Variants in PTPRD observed in about 807,000 individuals in gnomAD.
PTPRD encodes receptor-type tyrosine-protein phosphatase delta.
Under a neutral mutation model 214.5 loss-of-function variants are expected in PTPRD, and 34 were observed. The observed-to-expected ratio is 0.16, with a 90% CI of 0.12 to 0.21. The LOEUF (loss-of-function observed/expected upper bound fraction) is 0.21, where lower values mean the gene tolerates loss of function less well. Ranked by LOEUF, PTPRD falls within the 10% of genes least tolerant of loss-of-function variation. The pLI, the probability that PTPRD is intolerant of heterozygous loss-of-function variation, is 1.00. For synonymous variants in PTPRD, 1,128 were observed against 845.7 expected (o/e 1.33, Z -5.79); for missense variants, 2,545 against 2,398.7 (o/e 1.06, Z -1.27).
At chr9:10,390,409 C>T (rs375274390) in intron 2 of PTPRD, among the ~76,000 whole-genome samples, 1 of 151,774 alleles carries the variant, frequency 6.6e-6, no homozygotes, top group East Asian at 2.0e-4. Flanking sequence ...TGTGAAGATA[C>T]TGGTTACCTG....
chr9:9,463,374 G>A (rs1037903075), intron 8 of PTPRD, among the ~76,000 whole-genome samples: 3 of 152,092 alleles, frequency 2.0e-5, no homozygotes, highest in Non-Finnish European at 4.4e-5. Context: ...AGAGTGGGTT[G>A]GAAGAGGGAG....
At chr9:9,488,979 C>T (rs561324895) in intron 8 of PTPRD, among the ~76,000 whole-genome samples, 1 of 152,036 alleles carries the variant, frequency 6.6e-6, no homozygotes, top group African/African-American at 2.4e-5. Context: ...AGGCAGGAGG[C>T]CATTATTGTT....
chr9:10,146,706 G>A (rs191577432), intron 3 of PTPRD, among the ~76,000 whole-genome samples: 9 of 152,198 alleles, frequency 5.9e-5, no homozygotes, highest in East Asian at 1.9e-4. Context: ...GAAGCCGACC[G>A]AGCACTGTAC....
intron 3 of PTPRD, among the ~76,000 whole-genome samples, chr9:10,140,085 T>A (rs1439845360): frequency 6.6e-6 from 1 of 151,988 alleles, no homozygotes; most frequent in African/African-American, 2.4e-5. Context: ...GAGTTTCTCT[T>A]GATGTGAAGA....
At chr9:8,796,269 A>G (rs2154514854) in intron 11 of PTPRD, among the ~76,000 whole-genome samples, 1 of 152,342 alleles carries the variant, frequency 6.6e-6, no homozygotes, top group Middle Eastern at 3.4e-3. Context: ...ACTGGAATCT[A>G]ATATTTCAAA....
chr9:9,199,187 T>C (rs1463326520), intron 9 of PTPRD, among the ~76,000 whole-genome samples: 1 of 152,100 alleles, frequency 6.6e-6, no homozygotes, highest in Non-Finnish European at 1.5e-5. Context: ...GCACCTAGGG[T>C]ATTTTGTAAT....
At position 9,281,203 on chromosome 9, in the gene PTPRD, T is replaced by C. The variant is rs137890490; in HGVS notation, c.-202-97840A>G. Among the ~76,000 whole-genome samples the C allele has an allele frequency of 5.1e-3, 770 of 151,376 alleles. 10 individuals carry two copies. Among genetic ancestry groups the C allele is most frequent in the African/African-American group, 0.017 (722 of 41,448 alleles). The stretch of plus-strand genomic sequence containing the variant: ...ATCTGAATGACCTTAGGTATGGTGA[T>C]GGCTTTTTATATACATTAAGGTATG... On this transcript the variant is annotated intron_variant, in intron 9 of 45. Transcript: ENST00000381196.
At chr9:8,329,882 C>A (rs1838046216) in intron 44 of PTPRD, among the ~76,000 whole-genome samples, 1 of 150,468 alleles carries the variant, frequency 6.6e-6, no homozygotes, top group Non-Finnish European at 1.5e-5. Context: ...CTCGAATGGC[C>A]CAGGTGGACC....
At chr9:9,017,963 C>T (rs918048625) in intron 11 of PTPRD, among the ~76,000 whole-genome samples, 1 of 151,774 alleles carries the variant, frequency 6.6e-6, no homozygotes, top group African/African-American at 2.4e-5. Flanking sequence ...TTTGTTCCAC[C>T]TCTCTTTTGT....
chr9:8,611,765 G>C (rs1003296778), intron 14 of PTPRD, among the ~76,000 whole-genome samples: 1 of 123,306 alleles, frequency 8.1e-6, no homozygotes, highest in African/African-American at 4.2e-5. Context: ...GAAAAGAAAA[G>C]AAAGGAGGGG....
At chr9:9,834,762 C>T (rs1255767235) in intron 5 of PTPRD, among the ~76,000 whole-genome samples, 3 of 151,996 alleles carry the variant, frequency 2.0e-5, no homozygotes. Flanking sequence ...ATTGCATCCT[C>T]ATTTAATTGT....
At chr9:9,632,832 C>T (rs1016244377) in intron 7 of PTPRD, among the ~76,000 whole-genome samples, 1 of 152,114 alleles carries the variant, frequency 6.6e-6, no homozygotes, top group Non-Finnish European at 1.5e-5. Context: ...GTTTGGAAGA[C>T]TTCCCAGAGG....
chr9:10,438,183 C>A (rs1048382390), intron 2 of PTPRD, among the ~76,000 whole-genome samples: 5 of 151,068 alleles, frequency 3.3e-5, no homozygotes, highest in Non-Finnish European at 5.9e-5. Context: ...CTTTTTGGTT[C>A]AGTTTTCATT....
chr9:8,712,708 G>A (rs998321045), intron 12 of PTPRD, among the ~76,000 whole-genome samples: 29 of 141,552 alleles, frequency 2.0e-4, no homozygotes, highest in African/African-American at 6.8e-4. Flanking sequence ...TGCAAAGATC[G>A]TATCAATTCT....
At chr9:8,973,374 G>A (rs1643246560) in intron 11 of PTPRD, among the ~76,000 whole-genome samples, 1 of 151,978 alleles carries the variant, frequency 6.6e-6, no homozygotes, top group African/African-American at 2.4e-5. Flanking sequence ...CTTTAACCAT[G>A]TTGCTGCAAA....
chr9:8,903,149 T>C (rs949829131), intron 11 of PTPRD, among the ~76,000 whole-genome samples: 9 of 151,902 alleles, frequency 5.9e-5, no homozygotes, highest in Admixed American at 5.9e-4. Context: ...TCTTATTCTT[T>C]TTTTTTTTAA....
chr9:9,056,837 G>C lies in PTPRD; in HGVS notation c.-142-38102C>G, dbSNP rs111474079. On this transcript the variant is annotated intron_variant, in intron 10 of 45. Transcript: ENST00000381196. ...CATATTTATATCAGATTATTTTTAAGTGAACACATTTCTGGTATGCATATT... is the reference window on the plus strand; with the variant it reads ...CATATTTATATCAGATTATTTTTAACTGAACACATTTCTGGTATGCATATT... Among the ~76,000 whole-genome samples the C allele has an allele frequency of 2.8e-3, 429 of 152,238 alleles. 7 individuals are homozygous for C. Among genetic ancestry groups the C allele is most frequent in the African/African-American group, 9.9e-3 (413 of 41,544 alleles).
chr9:9,366,539 G>A (rs2057932494), intron 9 of PTPRD, among the ~76,000 whole-genome samples: 2 of 151,596 alleles, frequency 1.3e-5, no homozygotes, highest in Non-Finnish European at 3.0e-5. Flanking sequence ...GTTTGAGAAA[G>A]CACTAGCTCC....
intron 9 of PTPRD, among the ~76,000 whole-genome samples, chr9:9,351,826 T>C (rs1261440917): frequency 6.6e-6 from 1 of 152,034 alleles, no homozygotes; most frequent in Non-Finnish European, 1.5e-5. Context: ...GGACTCATTG[T>C]TTAAACTCTC....
Sources: allele counts gnomAD v4.1 joint callset (sites outside exome capture counted in the v4.1 genomes callset), GRCh38; gene constraint gnomAD v4.1.1; transcripts MANE v1.5; gene names NCBI Gene and HGNC (gene_info 2026-07-23, HGNC 2026-07-21).